SNX29: variants seen among roughly 807,000 people sequenced by gnomAD.
The protein encoded by SNX29 is sorting nexin 29, also known as sorting nexin-29.
A neutral mutation model predicts 102.1 loss-of-function variants in SNX29; 78 were observed. The ratio of observed to expected loss-of-function variants is 0.76; its 90% confidence interval spans 0.64 to 0.92. SNX29 has a LOEUF of 0.92. Among genes scored for constraint, SNX29 ranks in the 40% least tolerant of loss-of-function variants. SNX29 has a pLI of 0.00. For synonymous variants in SNX29, 580 were observed against 414.5 expected, an observed-to-expected ratio of 1.40 and a Z score of -4.85; for missense variants, 1,280 against 1,061.7, an observed-to-expected ratio of 1.21 and a Z score of -2.86.
At chr16:12,554,455 G>A (rs1008795131) in intron 20 of SNX29, among the ~76,000 whole-genome samples, 22 of 152,326 alleles carry the variant, frequency 1.4e-4, no homozygotes, top group African/African-American at 5.1e-4. Flanking sequence ...TGCCATGCCA[G>A]GTCCATGGGT....
chr16:12,459,291 T>G (rs1392844016), intron 18 of SNX29, among the ~76,000 whole-genome samples: 1 of 151,804 alleles, frequency 6.6e-6, no homozygotes, highest in African/African-American at 2.4e-5. Context: ...CCAAGAAATG[T>G]GGCTATGAAA....
In SNX29 at chr16:12,572,396, T is replaced by G. The variant is rs1208039429; in HGVS notation, c.*3767T>G. ...GGAGGCGGCTTATATCCCAACAGCCTGAGGCAGGGCTCTGTGGCCCAGGCC... is the reference window on the plus strand; with the variant it reads ...GGAGGCGGCTTATATCCCAACAGCCGGAGGCAGGGCTCTGTGGCCCAGGCC... On this transcript the variant is annotated 3_prime_UTR_variant, in exon 21 of 21. Transcript: ENST00000566228. 8 of 1,063,096 alleles carry G rather than the reference T, an allele frequency of 7.5e-6. No individual in the cohort carries two copies. Among genetic ancestry groups the G allele is most frequent in the Non-Finnish European group, 9.1e-6 (8 of 877,956 alleles). The allele number at this position is 1,063,096 out of a possible 1,614,324, so 65.9% of individuals were successfully genotyped here. A position where few individuals can be genotyped will look rare whatever the true frequency, so the allele number is the denominator to read the frequency against.
At chr16:12,552,092 A>G (rs776298258) in intron 20 of SNX29, among the ~76,000 whole-genome samples, 11 of 152,216 alleles carry the variant, frequency 7.2e-5, no homozygotes, top group Non-Finnish European at 1.0e-4. Context: ...CAACTGTGCT[A>G]TCCTCAGTGA....
intron 20 of SNX29, among the ~76,000 whole-genome samples, chr16:12,556,165 C>T (rs1021685162): frequency 2.0e-5 from 3 of 152,148 alleles, no homozygotes; most frequent in African/African-American, 4.8e-5. Context: ...CGCTTTGTCG[C>T]CATGACACAT....
chr16:12,206,814 G>GTTTTTTTTTTTTTTTTT, intron 14 of SNX29, among the ~76,000 whole-genome samples: 1 of 121,636 alleles, frequency 8.2e-6, no homozygotes, highest in Non-Finnish European at 1.7e-5. Flanking sequence ...GAATGAGGTG[G>GTTTTTTTTTTTTTTTTT]TTTTTTTTTT....
chr16:12,028,302 C>T (rs1480138096), intron 4 of SNX29, among the ~76,000 whole-genome samples: 1 of 152,156 alleles, frequency 6.6e-6, no homozygotes, highest in African/African-American at 2.4e-5. Context: ...CTTTCCCTCT[C>T]CTTCATGTTG....
chr16:12,390,837 A>G (rs2083503666), intron 16 of SNX29, among the ~76,000 whole-genome samples: 1 of 151,608 alleles, frequency 6.6e-6, no homozygotes, highest in Non-Finnish European at 1.5e-5. Flanking sequence ...CACGCAGCTG[A>G]GTCAGAGCTC....
intron 3 of SNX29, among the ~76,000 whole-genome samples, chr16:12,007,393 T>G (rs1350432106): frequency 6.6e-6 from 1 of 152,130 alleles, no homozygotes; most frequent in African/African-American, 2.4e-5. Flanking sequence ...TAATCCCAGC[T>G]ACTCGGGAGG....
At chr16:12,530,601 G>C (rs1420319039) in intron 20 of SNX29, among the ~76,000 whole-genome samples, 1 of 151,846 alleles carries the variant, frequency 6.6e-6, no homozygotes, top group African/African-American at 2.4e-5. Flanking sequence ...TGTCGCCCAG[G>C]CTAGAGTGCA....
intron 13 of SNX29, among the ~76,000 whole-genome samples, chr16:12,134,967 G>A (rs544668672): frequency 1.3e-5 from 2 of 152,300 alleles, no homozygotes; most frequent in South Asian, 2.1e-4. Flanking sequence ...TCATGGTGTA[G>A]TTCAAAGGCC....
At chr16:12,286,463 A>G (rs1330248690) in intron 15 of SNX29, among the ~76,000 whole-genome samples, 1 of 149,434 alleles carries the variant, frequency 6.7e-6, no homozygotes, top group Non-Finnish European at 1.5e-5. Context: ...CTTCTGCCTC[A>G]GCCTCCCAAG....
intron 18 of SNX29, among the ~76,000 whole-genome samples, chr16:12,437,233 T>C (rs1386976807): frequency 6.6e-6 from 1 of 152,262 alleles, no homozygotes; most frequent in East Asian, 1.9e-4. Context: ...TCATGCTTTC[T>C]CTCTCACTTT....
intron 13 of SNX29, among the ~76,000 whole-genome samples, chr16:12,154,326 A>G (rs1006941987): frequency 6.7e-6 from 1 of 149,082 alleles, no homozygotes; most frequent in Non-Finnish European, 1.5e-5. Flanking sequence ...TTTCTAGGGC[A>G]GGCTGTCCCC....
intron 11 of SNX29, among the ~76,000 whole-genome samples, chr16:12,123,517 CATAATACATATAT>C (rs1261473996): frequency 6.6e-6 from 1 of 152,022 alleles, no homozygotes; most frequent in African/African-American, 2.4e-5. Context: ...ACATCATATA[CATAATACATATAT>C]ATCATATACA....
At chr16:12,363,201 C>G (rs2082356317) in intron 16 of SNX29, among the ~76,000 whole-genome samples, 1 of 152,244 alleles carries the variant, frequency 6.6e-6, no homozygotes, top group South Asian at 2.1e-4. Context: ...ATTATTGCCT[C>G]AGGCCTGCTT....
intron 11 of SNX29, chr16:12,090,207 C>A (rs11642386): frequency 0.23 from 35,051 of 152,522 alleles, 4,062 homozygotes; most frequent in African/African-American, 0.27. Context: ...ACATTCTCAC[C>A]GGCGTCTCAG....
intron 20 of SNX29, among the ~76,000 whole-genome samples, chr16:12,534,170 C>G (rs922539294): frequency 1.4e-4 from 21 of 152,242 alleles, no homozygotes; most frequent in African/African-American, 4.8e-4. Flanking sequence ...CTCTGCGGTT[C>G]TGACTGAGGT....
chr16:12,177,462 T>A (rs1430527065), intron 13 of SNX29, among the ~76,000 whole-genome samples: 3 of 152,206 alleles, frequency 2.0e-5, no homozygotes, highest in Non-Finnish European at 4.4e-5. Context: ...CCTCCTGTGG[T>A]CTTTGTCCCC....
Position 12,362,138 on chromosome 16 carries a change from G to A in SNX29, c.1899+5859G>A, listed in dbSNP as rs1453076571. Among the ~76,000 whole-genome samples, 5 of 152,184 alleles carry A rather than the reference G, an allele frequency of 3.3e-5. 1 individual carries two copies. Among genetic ancestry groups the A allele is most frequent in the Admixed American group, 2.6e-4 (4 of 15,286 alleles). ...AGAATTGTTGTTCATTTTAAGAACC[G>A]TGTCTTGTTCCCTTGAACTGACAAA... is the stretch of plus-strand genomic sequence containing the variant. On this transcript the variant is annotated intron_variant, in intron 16 of 20. Coordinates refer to ENST00000566228, the MANE Select transcript of SNX29 (RefSeq NM_032167.5).
Sources: gnomAD v4.1 joint callset for allele counts (sites outside exome capture counted in the v4.1 genomes callset) on GRCh38, gnomAD v4.1.1 for gene constraint, MANE v1.5 for transcripts, NCBI Gene and HGNC (gene_info 2026-07-23, HGNC 2026-07-21) for gene names.